Variants in BCL2 observed in about 807,000 individuals in gnomAD.
BCL2 encodes the protein BCL2 apoptosis regulator.
In BCL2, 1 loss-of-function variant was observed where a neutral mutation model predicts 14.2. The observed-to-expected ratio is 0.07, with a 90% confidence interval of 0.02 to 0.33. The LOEUF is 0.33. Among genes scored for constraint, BCL2 ranks in the 10% least tolerant of loss-of-function variants. BCL2 has a pLI of 0.99. For synonymous variants in BCL2, 151 were observed against 137.2 expected (o/e 1.10, Z -0.70); for missense variants, 247 against 305.9 (o/e 0.81, Z 1.44).
At chr18:63,235,855 G>T (rs1012552386) in intron 2 of BCL2, among the ~76,000 whole-genome samples, 4 of 151,394 alleles carry the variant, frequency 2.6e-5, no homozygotes, top group Non-Finnish European at 5.9e-5. Context: ...TCTTTCACAT[G>T]TGTGTATCCT....
At chr18:63,144,097 C>T (rs1357098320) in intron 2 of BCL2, among the ~76,000 whole-genome samples, 1 of 152,188 alleles carries the variant, frequency 6.6e-6, no homozygotes, top group African/African-American at 2.4e-5. Context: ...ACTGAGGAAA[C>T]CCCTTGGCCA....
chr18:63,125,515 A>G lies in BCL2; in HGVS notation c.*3110T>C, dbSNP rs1913888705. On this transcript the variant is annotated 3_prime_UTR_variant, in exon 3 of 3. Coordinates refer to ENST00000333681, the MANE Select transcript of BCL2 (RefSeq NM_000633.3). ...CTTGTCCCCAATTTGGAAAGTGCAT[A>G]TACTCTATTTAACTCTGACCCTGGC... 1 of 217,236 alleles carries G rather than the reference A, an allele frequency of 4.6e-6. No individual in the cohort carries two copies. The highest frequency in any genetic ancestry group is 9.3e-6 in the Non-Finnish European group (1 of 107,882). 13.5% of individuals were successfully genotyped at this position (217,236 alleles called of 1,614,324 possible). A position where few individuals can be genotyped will look rare whatever the true frequency, so the allele number is the denominator to read the frequency against.
intron 2 of BCL2, among the ~76,000 whole-genome samples, chr18:63,211,782 G>A (rs1175984862): frequency 6.6e-6 from 1 of 152,178 alleles, no homozygotes; most frequent in Non-Finnish European, 1.5e-5. Context: ...CACAGCTAAC[G>A]CCAGTGCAGA....
intron 2 of BCL2, among the ~76,000 whole-genome samples, chr18:63,229,565 T>TG (rs1910637196): frequency 6.6e-6 from 1 of 152,158 alleles, no homozygotes; most frequent in Non-Finnish European, 1.5e-5. Flanking sequence ...TGTTTCAAAG[T>TG]GTTTGGCACC....
chr18:63,158,371 G>A (rs539991601), intron 2 of BCL2, among the ~76,000 whole-genome samples: 2 of 152,258 alleles, frequency 1.3e-5, no homozygotes, highest in East Asian at 3.9e-4. Flanking sequence ...GGCCCTACCA[G>A]GGACTTCACT....
chr18:63,140,982 A>C (rs1309506002), intron 2 of BCL2, among the ~76,000 whole-genome samples: 1 of 152,182 alleles, frequency 6.6e-6, no homozygotes, highest in African/African-American at 2.4e-5. Flanking sequence ...GTCATTCTCC[A>C]AAAGAAAAAA....
chr18:63,142,223 G>A (rs1914384681), intron 2 of BCL2, among the ~76,000 whole-genome samples: 1 of 152,238 alleles, frequency 6.6e-6, no homozygotes, highest in African/African-American at 2.4e-5. Context: ...CAGACCTGGA[G>A]GAGGGTATGT....
chr18:63,296,301 GAA>G (rs1912793005), intron 2 of BCL2, among the ~76,000 whole-genome samples: 2 of 152,072 alleles, frequency 1.3e-5, no homozygotes, highest in Non-Finnish European at 2.9e-5. Flanking sequence ...AGAAACTACT[GAA>G]GTCCTTTTTT....
intron 2 of BCL2, among the ~76,000 whole-genome samples, chr18:63,217,340 T>C (rs1329004510): frequency 1.3e-5 from 2 of 152,224 alleles, no homozygotes; most frequent in African/African-American, 4.8e-5. Context: ...AGAGTTATCC[T>C]GGAGTGGCTT....
At chr18:63,141,073 G>A (rs957589487) in intron 2 of BCL2, among the ~76,000 whole-genome samples, 1 of 152,186 alleles carries the variant, frequency 6.6e-6, no homozygotes, top group African/African-American at 2.4e-5. Context: ...AGCAATCGGG[G>A]CACTCCTACT....
chr18:63,270,873 G>A (rs957452321), intron 2 of BCL2, among the ~76,000 whole-genome samples: 12 of 151,732 alleles, frequency 7.9e-5, no homozygotes, highest in Admixed American at 6.6e-4. Flanking sequence ...GCTGGAGTAC[G>A]GTGGTGCGAT....
At position 63,149,511 on chromosome 18, in the gene BCL2, G is replaced by A. The variant is rs188881451; in HGVS notation, c.586-20752C>T. 1.5e-4 allele frequency among the ~76,000 whole-genome samples: 23 copies of A among 152,274 alleles called. No individual in the cohort carries two copies. Among genetic ancestry groups the A allele is most frequent in the African/African-American group, 5.3e-4 (22 of 41,548 alleles). ...GACGACTTTCGCTTGTTCTGTCTCT[G>A]TTTCTCTTCTAGCCCAGGGAGATGT... On this transcript the variant is annotated intron_variant, in intron 2 of 2. Coordinates refer to ENST00000333681, the MANE Select transcript of BCL2 (RefSeq NM_000633.3). This position sits in a 1 kb window ranked among gnomAD's most constrained non-coding sequence, Gnocchi z 4.2.
intron 2 of BCL2, among the ~76,000 whole-genome samples, chr18:63,253,746 G>C (rs2144212062): frequency 6.6e-6 from 1 of 151,874 alleles, no homozygotes; most frequent in South Asian, 2.1e-4. Context: ...TTTTATTTGG[G>C]ATTCCCCAGT....
intron 2 of BCL2, among the ~76,000 whole-genome samples, chr18:63,185,794 A>G (rs888461194): frequency 7.2e-5 from 11 of 152,256 alleles, no homozygotes; most frequent in Non-Finnish European, 1.0e-4. Flanking sequence ...TAACTTGCCC[A>G]AAGTCAACAC....
At chr18:63,230,572 A>G (rs1910663005) in intron 2 of BCL2, among the ~76,000 whole-genome samples, 1 of 152,148 alleles carries the variant, frequency 6.6e-6, no homozygotes, top group South Asian at 2.1e-4. Flanking sequence ...AAAATAGGTA[A>G]ATATTTGACA....
chr18:63,159,595 G>A (rs917535015), intron 2 of BCL2, among the ~76,000 whole-genome samples: 5 of 152,228 alleles, frequency 3.3e-5, no homozygotes, highest in African/African-American at 1.2e-4. Flanking sequence ...GACAGGAGAA[G>A]CAGTCCATCT....
chr18:63,302,826 C>G (rs1308464640), intron 2 of BCL2: 1 of 985,322 alleles, frequency 1.0e-6, no homozygotes, highest in Non-Finnish European at 1.2e-6. Flanking sequence ...TCCCTTAGCC[C>G]TGCAAATAAC....
chr18:63,128,088 A>G lies in BCL2; in HGVS notation c.*537T>C, dbSNP rs1364246933. On this transcript the variant is annotated 3_prime_UTR_variant, in exon 3 of 3. Transcript: ENST00000333681. ...CAGGGAGGCATGGACTTCCCCCCAC[A>G]GGAACCCTCCCTCTGTTAATATCAC... The G allele has an allele frequency of 8.8e-6, 2 of 226,376 alleles. No homozygotes were observed. Among genetic ancestry groups the G allele is most frequent in the Non-Finnish European group, 1.8e-5 (2 of 113,536 alleles). 14.0% of individuals were successfully genotyped at this position (226,376 alleles called of 1,614,324 possible). A position where few individuals can be genotyped will look rare whatever the true frequency, so the allele number is the denominator to read the frequency against.
chr18:63,179,280 G>A (rs1915424756), intron 2 of BCL2, among the ~76,000 whole-genome samples: 1 of 152,202 alleles, frequency 6.6e-6, no homozygotes, highest in African/African-American at 2.4e-5. Context: ...AAAGGTGTCT[G>A]AGTTCTCTAG....
Sources: allele counts gnomAD v4.1 joint callset (sites outside exome capture counted in the v4.1 genomes callset), GRCh38; gene constraint gnomAD v4.1.1; non-coding constraint Gnocchi (gnomAD v3.1); transcripts MANE v1.5; gene names NCBI Gene and HGNC (gene_info 2026-07-23, HGNC 2026-07-21).